Variants in SMC3 observed in about 807,000 individuals in gnomAD.
SMC3 encodes the protein structural maintenance of chromosomes 3, also known as structural maintenance of chromosomes protein 3.
SMC3 carries 20 observed loss-of-function variants against 171.8 expected under a neutral mutation model. That is an observed-to-expected ratio of 0.12 (90% CI 0.08 to 0.17). The LOEUF (loss-of-function observed/expected upper bound fraction) is 0.17. Ranked by LOEUF, SMC3 falls within the 10% of genes least tolerant of loss-of-function variation. SMC3 has a pLI of 1.00. For synonymous variants in SMC3, 464 were observed against 451.1 expected, an observed-to-expected ratio of 1.03 and a Z score of -0.36; for missense variants, 543 against 1,420.4, an observed-to-expected ratio of 0.38 and a Z score of 9.93.
chr10:110,588,351 A>G (rs949361713), intron 13 of SMC3, among the ~76,000 whole-genome samples: 1 of 152,220 alleles, frequency 6.6e-6, no homozygotes, highest in Admixed American at 6.5e-5. Flanking sequence ...TAGTAGTAAC[A>G]TTGACTTTTG....
chr10:110,576,708 A>T (rs917927496), intron 4 of SMC3, among the ~76,000 whole-genome samples: 6 of 152,114 alleles, frequency 3.9e-5, no homozygotes, highest in African/African-American at 1.2e-4. Flanking sequence ...CTTTAGAAAA[A>T]TTCTTTTTAG....
intron 4 of SMC3, among the ~76,000 whole-genome samples, 182 bp from the exon 5 acceptor site, chr10:110,577,239 G>A (rs751970352): frequency 7.2e-5 from 11 of 152,100 alleles, no homozygotes; most frequent in Non-Finnish European, 4.4e-5. Flanking sequence ...TATCCCCAAA[G>A]TATGTATCCC....
At chr10:110,582,177 C>G (rs111708105) in intron 9 of SMC3, 79 bp downstream of exon 9, 24 of 1,209,444 alleles carry the variant, frequency 2.0e-5, no homozygotes, top group African/African-American at 1.5e-4. Context: ...CATAATTACA[C>G]TTTTCAGTGA....
intron 13 of SMC3, among the ~76,000 whole-genome samples, chr10:110,586,634 A>G (rs777609678): frequency 1.3e-5 from 2 of 152,042 alleles, no homozygotes; most frequent in African/African-American, 2.4e-5. Flanking sequence ...TTGGACAGAG[A>G]TGATTTTATG....
Position 110,604,575 on chromosome 10 carries a change from A to G in SMC3, c.*273A>G. 1 of 384,690 alleles carries G rather than the reference A, an allele frequency of 2.6e-6. No homozygotes were observed. Among genetic ancestry groups the G allele is most frequent in the East Asian group, 5.5e-5 (1 of 18,088 alleles). 23.8% of individuals were successfully genotyped at this position (384,690 alleles called of 1,614,324 possible). A position where few individuals can be genotyped will look rare whatever the true frequency, so the allele number is the denominator to read the frequency against. ...ACATGCTAAATATTCTTTCCTAATT[A>G]TTTTATCACTTATACTACCTTTTTT... On this transcript the variant is annotated 3_prime_UTR_variant, in exon 29 of 29. Coordinates refer to ENST00000361804, the MANE Select transcript of SMC3 (RefSeq NM_005445.4).
At position 110,605,312 on chromosome 10, in the gene SMC3, A is replaced by G. The variant is rs1433642464; in HGVS notation, c.*1010A>G. Among the ~76,000 whole-genome samples the G allele has an allele frequency of 1.3e-5, 2 of 152,146 alleles. No homozygotes were observed. The highest frequency in any genetic ancestry group is 2.9e-5 in the Non-Finnish European group (2 of 68,008). ...CCTGTGACCCTGGAAAACTACCTCA[A>G]TAGTCCTCGTAGCTTTTTGTAGATT... On this transcript the variant is annotated 3_prime_UTR_variant, in exon 29 of 29. Transcript: ENST00000361804.
intron 23 of SMC3, among the ~76,000 whole-genome samples, chr10:110,601,420 T>C (rs1861385447): frequency 6.6e-6 from 1 of 152,228 alleles, no homozygotes; most frequent in Admixed American, 6.5e-5. Flanking sequence ...CTATAGTTTA[T>C]AAGCATTAAC....
In SMC3 at chr10:110,584,508, A is replaced by G. The variant is rs1334532894; in HGVS notation, c.1305+112A>G. Reference sequence around the variant, plus strand: ...TAAGTCTACATGTTGCTCTTAAAATATATGACAGATACTTATTTAGAAAAG... The same window carrying G: ...TAAGTCTACATGTTGCTCTTAAAATGTATGACAGATACTTATTTAGAAAAG... On this transcript the variant is annotated intron_variant, in intron 13 of 28. Transcript: ENST00000361804. 3 of 718,302 alleles carry G rather than the reference A, an allele frequency of 4.2e-6. No homozygotes were observed. In the East Asian group the frequency reaches 8.0e-5, roughly 19 times the overall value. 44.5% of individuals were successfully genotyped at this position (718,302 alleles called of 1,614,324 possible).
chr10:110,586,118 C>T (rs1415764677), intron 13 of SMC3, among the ~76,000 whole-genome samples: 1 of 152,106 alleles, frequency 6.6e-6, no homozygotes, highest in African/African-American at 2.4e-5. Context: ...TAGTGATTTG[C>T]CCACTTTAAG....
At chr10:110,578,788 G>GT (rs2134720652) in intron 7 of SMC3, 82 bp downstream of exon 7, 2 of 1,129,200 alleles carry the variant, frequency 1.8e-6, no homozygotes, top group East Asian at 2.5e-5. Flanking sequence ...ATTGATTTGA[G>GT]TGGTTAAGCT....
At chr10:110,583,800 C>CA in intron 11 of SMC3, 41 bp from the exon 12 acceptor site, 2 of 1,601,804 alleles carry the variant, frequency 1.2e-6, no homozygotes, top group East Asian at 2.2e-5. Context: ...CTAAATTATG[C>CA]AAAAAATTTA....
At position 110,581,721 on chromosome 10, in the gene SMC3, T is replaced by C. The variant is rs192384102; in HGVS notation, c.548-202T>C. Among the ~76,000 whole-genome samples the C allele has an allele frequency of 4.8e-4, 73 of 152,218 alleles. 1 individual carries two copies. Among genetic ancestry groups the C allele is most frequent in the African/African-American group, 1.7e-3 (72 of 41,448 alleles). On this transcript the variant is annotated intron_variant, in intron 8 of 28. Coordinates refer to ENST00000361804, the MANE Select transcript of SMC3 (RefSeq NM_005445.4). ...ACTGCTCAAGGTCATTGCCAAGGTC[T>C]GATTTTTCACAGAAAAAAATTTGCA...
chr10:110,568,261 G>T (rs964774566), intron 1 of SMC3: 3 of 218,744 alleles, frequency 1.4e-5, no homozygotes, highest in Non-Finnish European at 1.8e-5. Flanking sequence ...TGGCTTCCCC[G>T]GCCCGGGGGC....
In SMC3 at chr10:110,584,358, A is replaced by T; in HGVS notation, c.1267A>T (p.Thr423Ser). ...IAAIHKDLED[T>S]EANKEKNLEQ... ...TGCTATACATAAGGATTTGGAAGAC[A>T]CTGAAGCAAATAAAGAGAAAAATCT... Residue 423 changes from threonine (T) to serine (S), a missense_variant, in exon 13 of 29, where the codon ACT becomes TCT. Around this residue, in one of 8 missense-constraint regions of SMC3, gnomAD observed 218 missense variants for 509.6 expected, o/e 0.43. Transcript: ENST00000361804. The T allele has an allele frequency of 1.2e-6, 2 of 1,613,830 alleles. No individual in the cohort carries two copies. Among genetic ancestry groups the T allele is most frequent in the South Asian group, 2.2e-5 (2 of 91,058 alleles).
chr10:110,569,151 C>G, intron 2 of SMC3, 138 bp downstream of exon 2: 1 of 691,636 alleles, frequency 1.4e-6, no homozygotes, highest in Admixed American at 2.3e-5. Flanking sequence ...AATAACTTTT[C>G]TGTCTTATTG....
Position 110,601,819 on chromosome 10 carries a change from AT to A in SMC3, c.2829del (p.Arg944GlufsTer17). The A allele has an allele frequency of 6.2e-7, 1 of 1,613,950 alleles. No individual in the cohort carries two copies. The highest frequency in any genetic ancestry group is 8.5e-7 in the Non-Finnish European group (1 of 1,179,886). ...LKKKEECMKK[I>X]RELGSLPQEA... ...GAAGAAAGAAGAGTGTATGAAGAAAATTCGAGAACTTGGATCACTTCCCCAG... is the reference window on the plus strand; with the variant it reads ...GAAGAAAGAAGAGTGTATGAAGAAAATCGAGAACTTGGATCACTTCCCCAG... On this transcript the variant is annotated frameshift_variant, in exon 24 of 29. Coordinates refer to ENST00000361804, the MANE Select transcript of SMC3 (RefSeq NM_005445.4). LOFTEE classifies it high-confidence loss of function.
At chr10:110,601,189 C>T (rs1861381322) in intron 23 of SMC3, 59 bp downstream of exon 23, 2 of 1,207,024 alleles carry the variant, frequency 1.7e-6, no homozygotes, top group Admixed American at 1.7e-5. Context: ...TTGTTTACTA[C>T]AGAATGAAAT....
At position 110,601,615 on chromosome 10, in the gene SMC3, ATT is replaced by A; in HGVS notation, c.2645-19_2645-18del. ...CTGGCTTTATAGGTATTATAGCCTA[ATT>A]TTGTTTCCCCCCATCTTAGATTTGG... is the stretch of plus-strand genomic sequence containing the variant. On this transcript the variant is annotated intron_variant, in intron 23 of 28. Transcript: ENST00000361804. 1 of 1,607,888 alleles carries A rather than the reference ATT, an allele frequency of 6.2e-7. No individual in the cohort carries two copies.
chr10:110,585,645 T>C (rs1861101677), intron 13 of SMC3, among the ~76,000 whole-genome samples: 1 of 151,812 alleles, frequency 6.6e-6, no homozygotes, highest in African/African-American at 2.4e-5. Flanking sequence ...ATGTTACATT[T>C]AGTTGTCATG....
Sources: allele counts gnomAD v4.1 joint callset (sites outside exome capture counted in the v4.1 genomes callset), GRCh38; gene constraint gnomAD v4.1.1; regional missense constraint gnomAD v4.1.1; transcripts MANE v1.5; gene names NCBI Gene and HGNC (gene_info 2026-07-23, HGNC 2026-07-21).